Variants in CDH22 observed in about 807,000 individuals in gnomAD.
The protein encoded by CDH22 is cadherin 22.
A neutral mutation model predicts 58.4 loss-of-function variants in CDH22; 30 were observed. The observed-to-expected ratio is 0.51, with a 90% CI of 0.38 to 0.70. The LOEUF (loss-of-function observed/expected upper bound fraction) is 0.70. CDH22 is among the 30% of genes least tolerant of loss of function. The pLI, the probability that CDH22 is intolerant of heterozygous loss-of-function variation, is 0.00. For missense variants in CDH22, 1,014 were observed against 1,233.9 expected (o/e 0.82, Z 2.67); for synonymous variants, 513 against 558.2 (o/e 0.92, Z 1.14).
chr20:46,261,375 T>G (rs912849479), intron 1 of CDH22, among the ~76,000 whole-genome samples: 3 of 152,200 alleles, frequency 2.0e-5, no homozygotes, highest in Non-Finnish European at 4.4e-5. Context: ...AGCCATTTAT[T>G]TATTCAGTCA....
At chr20:46,238,444 A>G (rs1187557284) in intron 3 of CDH22, among the ~76,000 whole-genome samples, 3 of 152,070 alleles carry the variant, frequency 2.0e-5, no homozygotes, top group African/African-American at 4.8e-5. Context: ...ATAATATCCA[A>G]ATTTATCTCT....
intron 2 of CDH22, among the ~76,000 whole-genome samples, chr20:46,248,264 G>A (rs1392321280): frequency 6.6e-6 from 1 of 152,340 alleles, no homozygotes; most frequent in East Asian, 1.9e-4. Context: ...AGATGAAGGC[G>A]TGAGTCAGCA....
chr20:46,230,084 G>T (rs1260678607), intron 3 of CDH22, among the ~76,000 whole-genome samples: 1 of 152,114 alleles, frequency 6.6e-6, no homozygotes, highest in Non-Finnish European at 1.5e-5. Flanking sequence ...TGGCTTCCTT[G>T]GGCCACACAC....
At chr20:46,201,154 C>G (rs1383747574) in intron 7 of CDH22, among the ~76,000 whole-genome samples, 3 of 152,248 alleles carry the variant, frequency 2.0e-5, no homozygotes, top group Admixed American at 2.0e-4. Flanking sequence ...GGTGGGGGCG[C>G]CGCGAGGCTG....
chr20:46,296,870 T>C (rs1329840562), intron 1 of CDH22, among the ~76,000 whole-genome samples: 1 of 152,072 alleles, frequency 6.6e-6, no homozygotes, highest in Non-Finnish European at 1.5e-5. Context: ...GTCTCCAGCT[T>C]CTCCCAGCCC....
chr20:46,217,750 C>T (rs1175273190), intron 4 of CDH22, among the ~76,000 whole-genome samples: 1 of 152,030 alleles, frequency 6.6e-6, no homozygotes. Flanking sequence ...AACACACAAA[C>T]AGATACACTC....
At position 46,241,228 on chromosome 20, in the gene CDH22, C is replaced by A. The variant is rs912760912; in HGVS notation, c.285G>T (p.Gly95=). Residue 95 remains glycine, a synonymous_variant, in exon 3 of 12, where the codon GGG becomes GGT. Coordinates refer to ENST00000537909, the MANE Select transcript of CDH22 (RefSeq NM_021248.3). This position sits in a 1 kb window ranked among gnomAD's most constrained non-coding sequence, Gnocchi z 5.2. ...CGCCTGAGATGGTGTACTTGATGGC[C>A]CCGTCACCCTCGTCTGAGTCGGAGT... ...KIHSDSDEGD[G]AIKYTISGEG... 9 of 1,610,716 alleles carry A rather than the reference C, an allele frequency of 5.6e-6. No individual in the cohort carries two copies. The highest frequency in any genetic ancestry group is 6.8e-6 in the Non-Finnish European group (8 of 1,177,686).
At chr20:46,274,724 AC>A (rs3092607) in intron 1 of CDH22, among the ~76,000 whole-genome samples, 101,217 of 151,664 alleles carry the variant, frequency 0.67, 33,945 homozygotes, top group East Asian at 0.76. Context: ...GTATATCCAA[AC>A]CAGAGGAGTA....
rs1483458986 is a variant in CDH22, at chr20:46,251,969, G to A, written c.-399-276C>T. ...ACGCCTTTCTCACAGCCCCTGCCCC[G>A]CTCAGCCCTCATGCCCACACAAGGA... On this transcript the variant is annotated intron_variant, in intron 1 of 11. Coordinates refer to ENST00000537909, the MANE Select transcript of CDH22 (RefSeq NM_021248.3). This position sits in a 1 kb window ranked among gnomAD's most constrained non-coding sequence, Gnocchi z 6.7. Among the ~76,000 whole-genome samples, 4 of 151,864 alleles carry A rather than the reference G, an allele frequency of 2.6e-5. No individual in the cohort carries two copies. Among genetic ancestry groups the A allele is most frequent in the South Asian group, 4.2e-4 (2 of 4,786 alleles).
At chr20:46,245,680 C>T (rs1431473983) in intron 2 of CDH22, among the ~76,000 whole-genome samples, 2 of 152,166 alleles carry the variant, frequency 1.3e-5, no homozygotes, top group East Asian at 3.8e-4. Context: ...AAATATACAA[C>T]AGTCATCAGA....
intron 7 of CDH22, among the ~76,000 whole-genome samples, chr20:46,202,479 G>T (rs1242319505): frequency 6.6e-6 from 1 of 151,646 alleles, no homozygotes; most frequent in Middle Eastern, 3.4e-3. Context: ...TCAGACTCCT[G>T]AGTAGCTGGG....
At chr20:46,278,962 A>G (rs1364146197) in intron 1 of CDH22, among the ~76,000 whole-genome samples, 1 of 152,166 alleles carries the variant, frequency 6.6e-6, no homozygotes, top group East Asian at 1.9e-4. Flanking sequence ...TAAATCTTCA[A>G]GAGCAGCAGG....
chr20:46,197,229 A>G (rs905034343), intron 8 of CDH22, among the ~76,000 whole-genome samples: 8 of 151,922 alleles, frequency 5.3e-5, no homozygotes, highest in Admixed American at 4.6e-4. Flanking sequence ...CCATCAGGAA[A>G]ATGGGTGCTA....
intron 1 of CDH22, among the ~76,000 whole-genome samples, chr20:46,304,103 C>T (rs6104539): frequency 6.6e-6 from 1 of 152,162 alleles, no homozygotes; most frequent in Admixed American, 6.5e-5. Context: ...GGGACTCCAC[C>T]TTCCTCAAGG....
chr20:46,279,254 G>A (rs534176866), intron 1 of CDH22, among the ~76,000 whole-genome samples: 8 of 152,270 alleles, frequency 5.3e-5, no homozygotes, highest in South Asian at 2.1e-4. Flanking sequence ...GTCCATTAAC[G>A]CTGAAAACGC....
chr20:46,225,378 AAG>A (rs1338521478), intron 4 of CDH22, among the ~76,000 whole-genome samples: 1 of 152,242 alleles, frequency 6.6e-6, no homozygotes, highest in Non-Finnish European at 1.5e-5. Flanking sequence ...CCCATTAAAT[AAG>A]AGAAAGAGGA....
intron 2 of CDH22, among the ~76,000 whole-genome samples, chr20:46,247,252 A>G (rs2086336916): frequency 6.6e-6 from 1 of 152,182 alleles, no homozygotes; most frequent in Non-Finnish European, 1.5e-5. Context: ...TAGGTTCTTG[A>G]CAAATGCTAA....
At chr20:46,252,923 T>C (rs2145740009) in intron 1 of CDH22, among the ~76,000 whole-genome samples, 1 of 152,306 alleles carries the variant, frequency 6.6e-6, no homozygotes, top group South Asian at 2.1e-4. Flanking sequence ...GGGTTACTTC[T>C]TGGAGGAGGC....
At chr20:46,186,024 G>T (rs2085822418) in intron 10 of CDH22, among the ~76,000 whole-genome samples, 1 of 151,960 alleles carries the variant, frequency 6.6e-6, no homozygotes, top group Non-Finnish European at 1.5e-5. Context: ...ACTAGTCTGG[G>T]CAATACGGCA....
Sources: allele counts gnomAD v4.1 joint callset (sites outside exome capture counted in the v4.1 genomes callset), GRCh38; gene constraint gnomAD v4.1.1; non-coding constraint Gnocchi (gnomAD v3.1); transcripts MANE v1.5; gene names NCBI Gene and HGNC (gene_info 2026-07-23, HGNC 2026-07-21).